The following SIK2 variants were observed in gnomAD, a reference collection of about 807,000 sequenced individuals.
SIK2 encodes the protein salt inducible kinase 2, also known as serine/threonine-protein kinase SIK2.
SIK2 carries 29 observed loss-of-function variants against 103.2 expected under a neutral mutation model. The ratio of observed to expected loss-of-function variants is 0.28; its 90% CI spans 0.21 to 0.38. SIK2 has a LOEUF of 0.38. Ranked by LOEUF, SIK2 falls within the 10% of genes least tolerant of loss-of-function variation. SIK2 has a pLI of 1.00. For synonymous variants in SIK2, 412 were observed against 446.1 expected, an observed-to-expected ratio of 0.92 and a Z score of 0.96; for missense variants, 879 against 1,171.0, an observed-to-expected ratio of 0.75 and a Z score of 3.64.
At chr11:111,662,714 A>G (rs1486926028) in intron 3 of SIK2, among the ~76,000 whole-genome samples, 1 of 151,726 alleles carries the variant, frequency 6.6e-6, no homozygotes, top group Non-Finnish European at 1.5e-5. Flanking sequence ...CTGTCTCTAC[A>G]AAAGATACAA....
At chr11:111,634,120 A>G (rs565080978) in intron 3 of SIK2, among the ~76,000 whole-genome samples, 1 of 152,226 alleles carries the variant, frequency 6.6e-6, no homozygotes, top group African/African-American at 2.4e-5. Flanking sequence ...CAGGGTCTTT[A>G]TTTACAGATT....
chr11:111,619,859 A>T (rs1941859218), intron 2 of SIK2, among the ~76,000 whole-genome samples: 1 of 152,216 alleles, frequency 6.6e-6, no homozygotes, highest in Non-Finnish European at 1.5e-5. Context: ...TAGCTAGGCT[A>T]CCAACCAGGT....
chr11:111,712,588 C>G (rs1943531033), intron 9 of SIK2, among the ~76,000 whole-genome samples: 1 of 152,202 alleles, frequency 6.6e-6, no homozygotes, highest in Non-Finnish European at 1.5e-5. Flanking sequence ...CGTAATTTGT[C>G]AGACCTCGTG....
At chr11:111,674,050 G>C (rs552203919) in intron 3 of SIK2, among the ~76,000 whole-genome samples, 12 of 149,968 alleles carry the variant, frequency 8.0e-5, no homozygotes, top group African/African-American at 2.7e-4. Flanking sequence ...CTCCAAACTG[G>C]GCGACAGAGC....
rs1294915464 is a variant in SIK2 at position 111,730,354 on chromosome 11, G to A, written c.*6225G>A. ...TGGTGAGACCTTTCCACCATGGGTG[G>A]TAAGAGAAACCTGCCTTCACCAAAA... On this transcript the variant is annotated 3_prime_UTR_variant, in exon 15 of 15. Transcript: ENST00000304987. 1 of 152,202 alleles carries A rather than the reference G, an allele frequency of 6.6e-6. No homozygotes were observed. The highest frequency in any genetic ancestry group is 1.5e-5 in the Non-Finnish European group (1 of 68,048). 9.4% of individuals were successfully genotyped at this position (152,202 alleles called of 1,614,324 possible).
intron 4 of SIK2, among the ~76,000 whole-genome samples, chr11:111,699,483 T>C (rs1943160071): frequency 6.6e-6 from 1 of 152,148 alleles, no homozygotes. Context: ...TCTGGGTAGG[T>C]GGATTATCAC....
rs1168510844 is a variant in SIK2 at position 111,664,893 on chromosome 11, TG to T, written c.317-23104del. 2.0e-5 allele frequency among the ~76,000 whole-genome samples: 3 copies of T among 152,118 alleles called. No homozygotes were observed. In the East Asian group the frequency reaches 5.8e-4, roughly 29 times the overall value. ...CTTTTCCCCTATTAGCTTGGGAGCT[TG>T]GGGACTTTAGAGCACTTTCAGGAAG... is the stretch of plus-strand genomic sequence containing the variant. On this transcript the variant is annotated intron_variant, in intron 3 of 14. Coordinates refer to ENST00000304987, the MANE Select transcript of SIK2 (RefSeq NM_015191.3).
intron 9 of SIK2, among the ~76,000 whole-genome samples, chr11:111,712,819 C>A (rs1229368100): frequency 3.9e-5 from 6 of 152,172 alleles, no homozygotes. Flanking sequence ...GATGGGCCGT[C>A]TTTTGTGATC....
chr11:111,649,061 A>G (rs548354637), intron 3 of SIK2, among the ~76,000 whole-genome samples: 2 of 152,330 alleles, frequency 1.3e-5, no homozygotes, highest in African/African-American at 4.8e-5. Context: ...CTGTCAGGCT[A>G]CACATATTTT....
intron 3 of SIK2, among the ~76,000 whole-genome samples, chr11:111,678,349 G>C (rs1942733447): frequency 6.6e-6 from 1 of 152,166 alleles, no homozygotes; most frequent in Admixed American, 6.5e-5. Context: ...AAAGTGCCAA[G>C]CATCGTGAGA....
At chr11:111,670,182 C>T (rs990124621) in intron 3 of SIK2, among the ~76,000 whole-genome samples, 4 of 152,194 alleles carry the variant, frequency 2.6e-5, no homozygotes, top group Non-Finnish European at 5.9e-5. Flanking sequence ...ATTAATCAGC[C>T]TCTCTTCATC....
chr11:111,662,778 T>C (rs1942484456), intron 3 of SIK2, among the ~76,000 whole-genome samples: 1 of 151,936 alleles, frequency 6.6e-6, no homozygotes. Context: ...CTTGGGGGGC[T>C]GAGGCAGGCA....
intron 1 of SIK2, among the ~76,000 whole-genome samples, chr11:111,604,783 A>C (rs955676309): frequency 5.3e-5 from 8 of 152,296 alleles, no homozygotes; most frequent in Non-Finnish European, 7.4e-5. Flanking sequence ...TTTTCTAAAG[A>C]AGCTGTTATT....
chr11:111,711,680 C>T lies in SIK2; in HGVS notation c.1102-531C>T, dbSNP rs575936505. Among the ~76,000 whole-genome samples the T allele has an allele frequency of 2.6e-5, 4 of 152,342 alleles. No homozygotes were observed. The South Asian group carries it at 8.3e-4, about 32-fold the overall frequency. The stretch of plus-strand genomic sequence containing the variant: ...GTGACTGCTGCTTCTCTTTCTTCCT[C>T]TTCGCATACACCCTTACCAATAAAT... On this transcript the variant is annotated intron_variant, in intron 8 of 14. Coordinates refer to ENST00000304987, the MANE Select transcript of SIK2 (RefSeq NM_015191.3).
At chr11:111,679,140 A>G (rs1400735559) in intron 3 of SIK2, among the ~76,000 whole-genome samples, 1 of 152,212 alleles carries the variant, frequency 6.6e-6, no homozygotes, top group African/African-American at 2.4e-5. Flanking sequence ...CATCTGTTTG[A>G]TATCTGTTAC....
intron 1 of SIK2, among the ~76,000 whole-genome samples, chr11:111,604,224 A>G (rs1185108781): frequency 3.3e-5 from 5 of 152,286 alleles, no homozygotes; most frequent in Admixed American, 1.3e-4. Flanking sequence ...CTGAAGAGCC[A>G]TGGCCTATGC....
intron 3 of SIK2, among the ~76,000 whole-genome samples, chr11:111,687,602 T>TA (rs1942863053): frequency 1.5e-5 from 2 of 130,120 alleles, no homozygotes; most frequent in Non-Finnish European, 3.4e-5. Context: ...ATTGTTTTTT[T>TA]TAAAAAAAAA....
chr11:111,637,734 T>G (rs1274618921), intron 3 of SIK2, among the ~76,000 whole-genome samples: 1 of 152,160 alleles, frequency 6.6e-6, no homozygotes, highest in Non-Finnish European at 1.5e-5. Context: ...AGTGCTGGGA[T>G]TACAGGCATG....
rs1340338689 is a variant in SIK2, at chr11:111,726,064, A to C, written c.*1935A>C. On this transcript the variant is annotated 3_prime_UTR_variant, in exon 15 of 15. Coordinates refer to ENST00000304987, the MANE Select transcript of SIK2 (RefSeq NM_015191.3). ...ATCATTTCATTTAAGAGATCATTTC[A>C]TTAAGATCTCTAATCTGTTTTGAGT... The C allele has an allele frequency of 6.6e-6, 1 of 152,244 alleles. No homozygotes were observed. Among genetic ancestry groups the C allele is most frequent in the Non-Finnish European group, 1.5e-5 (1 of 68,026 alleles). 9.4% of individuals were successfully genotyped at this position (152,244 alleles called of 1,614,324 possible).
Sources: allele counts gnomAD v4.1 joint callset (sites outside exome capture counted in the v4.1 genomes callset), GRCh38; gene constraint gnomAD v4.1.1; transcripts MANE v1.5; gene names NCBI Gene and HGNC (gene_info 2026-07-23, HGNC 2026-07-21).